MRPL48: variants seen among roughly 807,000 people sequenced by gnomAD.
The protein encoded by MRPL48 is mitochondrial ribosomal protein L48.
In MRPL48, 16 loss-of-function variants were observed where a neutral mutation model predicts 32.9. The ratio of observed to expected loss-of-function variants is 0.49; its 90% confidence interval spans 0.33 to 0.74. The LOEUF is 0.74. Among genes scored for constraint, MRPL48 ranks in the 30% least tolerant of loss-of-function variants. MRPL48 has a pLI of 0.02. For missense variants in MRPL48, 206 were observed against 245.3 expected (o/e 0.84, Z 1.07); for synonymous variants, 94 against 89.2 (o/e 1.05, Z -0.31).
chr11:73,833,040 C>T (rs562251495), intron 4 of MRPL48, among the ~76,000 whole-genome samples: 102 of 152,218 alleles, frequency 6.7e-4, no homozygotes, highest in East Asian at 1.3e-3. Flanking sequence ...AATTCCTTCA[C>T]GATGTTTTAC....
intron 4 of MRPL48, among the ~76,000 whole-genome samples, chr11:73,835,138 G>GTTTT: frequency 1.1e-5 from 1 of 92,752 alleles, no homozygotes; most frequent in East Asian, 3.2e-4. Flanking sequence ...CAGCCATGTT[G>GTTTT]TCTTTTTTTT....
At chr11:73,859,074 G>A (rs1477084000) in intron 5 of MRPL48, among the ~76,000 whole-genome samples, 3 of 151,336 alleles carry the variant, frequency 2.0e-5, no homozygotes, top group Admixed American at 1.3e-4. Flanking sequence ...TACCCAGTGG[G>A]TAGAGGGATG....
Position 73,787,895 on chromosome 11 carries a change from T to G in MRPL48, c.-77T>G. ...CCTGGTCAAGGCCGTTCCTTCAGTG[T>G]TTTCAGACGCCCTGGGAACGCGGCT... On this transcript the variant is annotated 5_prime_UTR_variant, in exon 1 of 8. Coordinates refer to ENST00000310614, the MANE Select transcript of MRPL48 (RefSeq NM_016055.6). 1 of 1,558,604 alleles carries G rather than the reference T, an allele frequency of 6.4e-7. No homozygotes were observed. Among genetic ancestry groups the G allele is most frequent in the Non-Finnish European group, 8.7e-7 (1 of 1,147,266 alleles).
chr11:73,801,025 G>C (rs917365406), intron 1 of MRPL48, among the ~76,000 whole-genome samples: 1 of 151,842 alleles, frequency 6.6e-6, no homozygotes, highest in South Asian at 2.1e-4. Flanking sequence ...TGGTCAGGCT[G>C]GTCTCAAACT....
Position 73,791,390 on chromosome 11 carries a change from T to G in MRPL48, c.21+3398T>G, listed in dbSNP as rs540240329. Among the ~76,000 whole-genome samples, 3 of 152,146 alleles carry G rather than the reference T, an allele frequency of 2.0e-5. No individual in the cohort carries two copies. In the South Asian group the frequency reaches 6.2e-4, roughly 32 times the overall value. On this transcript the variant is annotated intron_variant, in intron 1 of 7. Transcript: ENST00000310614. ...GCATCTGCTTTCCTCATTAGAAGTT[T>G]TGTGGGTATGCAACTATATTTTCTT...
chr11:73,810,336 A>G (rs1947541706), intron 3 of MRPL48, among the ~76,000 whole-genome samples: 2 of 152,264 alleles, frequency 1.3e-5, no homozygotes, highest in South Asian at 4.1e-4. Context: ...AGCCTGACCA[A>G]CATGGAGAAA....
At chr11:73,811,554 A>G (rs908266248) in intron 3 of MRPL48, among the ~76,000 whole-genome samples, 2 of 152,238 alleles carry the variant, frequency 1.3e-5, no homozygotes, top group Non-Finnish European at 2.9e-5. Flanking sequence ...ATTGGCAACT[A>G]TTAACATTTT....
chr11:73,799,646 G>C (rs549316646), intron 1 of MRPL48, among the ~76,000 whole-genome samples: 1 of 152,122 alleles, frequency 6.6e-6, no homozygotes, highest in Non-Finnish European at 1.5e-5. Context: ...AGGCAGGAGG[G>C]GGATGAGGGA....
chr11:73,830,464 C>T (rs1947972466), intron 4 of MRPL48, among the ~76,000 whole-genome samples: 1 of 152,176 alleles, frequency 6.6e-6, no homozygotes, highest in African/African-American at 2.4e-5. Context: ...TTTCATTCAC[C>T]ACCTTACAGA....
At chr11:73,815,411 T>C (rs1375010046) in intron 3 of MRPL48, among the ~76,000 whole-genome samples, 1 of 149,000 alleles carries the variant, frequency 6.7e-6, no homozygotes, top group Non-Finnish European at 1.5e-5. Flanking sequence ...CGAAACTCCA[T>C]CTCAAAAAAA....
chr11:73,848,625 C>T (rs73555667), intron 5 of MRPL48, among the ~76,000 whole-genome samples: 2,606 of 151,690 alleles, frequency 0.017, 71 homozygotes, highest in African/African-American at 0.058. Context: ...TATTCTTTAT[C>T]TGCTCTGCTT....
At chr11:73,797,067 A>C (rs1264931160) in intron 1 of MRPL48, among the ~76,000 whole-genome samples, 1 of 152,162 alleles carries the variant, frequency 6.6e-6, no homozygotes, top group Non-Finnish European at 1.5e-5. Flanking sequence ...TCTCAAAAAA[A>C]AGCAAACAAA....
intron 4 of MRPL48, among the ~76,000 whole-genome samples, chr11:73,838,738 C>CGCAA (rs1323022298): frequency 6.6e-6 from 1 of 152,208 alleles, no homozygotes; most frequent in Non-Finnish European, 1.5e-5. Flanking sequence ...TCCCACTCAC[C>CGCAA]GCAAGGTCTA....
chr11:73,833,509 T>C (rs1299866397), intron 4 of MRPL48, among the ~76,000 whole-genome samples: 2 of 152,148 alleles, frequency 1.3e-5, no homozygotes, highest in Admixed American at 6.6e-5. Context: ...ACATTGGTGG[T>C]ACTAGAGCCA....
intron 4 of MRPL48, among the ~76,000 whole-genome samples, chr11:73,827,173 T>G (rs1396776128): frequency 5.3e-5 from 8 of 151,836 alleles, no homozygotes; most frequent in Non-Finnish European, 1.2e-4. Flanking sequence ...TCTCTTGAGG[T>G]TGAGTTCAAG....
intron 5 of MRPL48, among the ~76,000 whole-genome samples, chr11:73,858,658 A>T (rs1395835697): frequency 2.6e-5 from 4 of 152,202 alleles, no homozygotes; most frequent in Admixed American, 2.0e-4. Flanking sequence ...TGACACATGA[A>T]AATTTAGGAA....
chr11:73,853,661 C>T (rs951743209), intron 5 of MRPL48, among the ~76,000 whole-genome samples: 1 of 128,106 alleles, frequency 7.8e-6, no homozygotes, highest in African/African-American at 2.8e-5. Flanking sequence ...TTTCAGCTGG[C>T]GGGAATTAGA....
At chr11:73,822,277 C>G (rs1284753933) in intron 3 of MRPL48, among the ~76,000 whole-genome samples, 1 of 152,116 alleles carries the variant, frequency 6.6e-6, no homozygotes, top group Non-Finnish European at 1.5e-5. Context: ...AACCTATTCC[C>G]CTGCACCCTG....
intron 3 of MRPL48, among the ~76,000 whole-genome samples, chr11:73,822,683 T>C (rs529217931): frequency 6.6e-6 from 1 of 152,290 alleles, no homozygotes; most frequent in South Asian, 2.1e-4. Flanking sequence ...AGAAAACTTT[T>C]ACTTGATGTC....
Sources: allele counts gnomAD v4.1 joint callset (sites outside exome capture counted in the v4.1 genomes callset), GRCh38; gene constraint gnomAD v4.1.1; transcripts MANE v1.5; gene names NCBI Gene and HGNC (gene_info 2026-07-23, HGNC 2026-07-21).